The following LHFPL3 variants were observed in gnomAD, a reference collection of about 807,000 sequenced individuals.
LHFPL3 encodes LHFPL tetraspan subfamily member 3.
Under a neutral mutation model 19.3 loss-of-function variants are expected in LHFPL3, and 5 were observed. That is an observed-to-expected ratio of 0.26 (90% CI 0.14 to 0.54). LHFPL3 has a LOEUF of 0.54. Ranked by LOEUF, LHFPL3 falls within the 20% of genes least tolerant of loss-of-function variation. LHFPL3 has a pLI of 0.94. For synonymous variants in LHFPL3, 133 were observed against 126.2 expected (o/e 1.05, Z -0.36); for missense variants, 249 against 307.4 (o/e 0.81, Z 1.42).
chr7:104,848,391 C>T (rs1791352810), intron 2 of LHFPL3, among the ~76,000 whole-genome samples: 1 of 152,136 alleles, frequency 6.6e-6, no homozygotes, highest in Admixed American at 6.5e-5. Flanking sequence ...CATTCTTGGG[C>T]AGCCACACAA....
chr7:104,605,058 G>A (rs954631802), intron 1 of LHFPL3, among the ~76,000 whole-genome samples: 14 of 152,168 alleles, frequency 9.2e-5, no homozygotes, highest in African/African-American at 3.4e-4. Context: ...ACCTAATTCT[G>A]TTATTTTCAG....
At chr7:104,859,315 C>T (rs1356640964) in intron 2 of LHFPL3, among the ~76,000 whole-genome samples, 1 of 151,188 alleles carries the variant, frequency 6.6e-6, no homozygotes, top group Admixed American at 6.6e-5. Context: ...ATTTCTATTA[C>T]CACCCTACCT....
intron 1 of LHFPL3, among the ~76,000 whole-genome samples, chr7:104,394,270 A>G (rs887722533): frequency 5.3e-5 from 8 of 152,214 alleles, no homozygotes; most frequent in Admixed American, 5.2e-4. Context: ...CCTGAGATTC[A>G]TCATTTCTAA....
At chr7:104,405,316 C>T (rs141328870) in intron 1 of LHFPL3, among the ~76,000 whole-genome samples, 1 of 152,260 alleles carries the variant, frequency 6.6e-6, no homozygotes, top group East Asian at 1.9e-4. Flanking sequence ...TTTCTCCTCC[C>T]TGCTTTTTTA....
intron 2 of LHFPL3, among the ~76,000 whole-genome samples, chr7:104,900,248 A>C (rs1353860282): frequency 2.0e-5 from 3 of 152,254 alleles, no homozygotes; most frequent in Non-Finnish European, 4.4e-5. Context: ...AAGGCCTGCC[A>C]AGTAATTGTG....
intron 1 of LHFPL3, among the ~76,000 whole-genome samples, chr7:104,396,402 G>A (rs980669116): frequency 7.2e-5 from 11 of 152,104 alleles, no homozygotes; most frequent in Admixed American, 6.6e-4. Context: ...CCAGAGCAGC[G>A]GCTATGGTAA....
chr7:104,616,852 C>T (rs1252628185), intron 1 of LHFPL3, among the ~76,000 whole-genome samples: 1 of 152,044 alleles, frequency 6.6e-6, no homozygotes, highest in African/African-American at 2.4e-5. Context: ...TATGAACAGA[C>T]ACTTCTCAAA....
intron 2 of LHFPL3, among the ~76,000 whole-genome samples, chr7:104,852,643 G>A (rs771736813): frequency 3.9e-5 from 6 of 152,266 alleles, no homozygotes; most frequent in Admixed American, 1.3e-4. Flanking sequence ...CACATGACCA[G>A]TGCAGTCCCA....
chr7:104,463,359 G>A (rs773309205), intron 1 of LHFPL3, among the ~76,000 whole-genome samples: 27 of 152,160 alleles, frequency 1.8e-4, no homozygotes, highest in Non-Finnish European at 3.4e-4. Context: ...CTAACTCTTT[G>A]ATATGGGTGG....
chr7:104,388,308 T>C (rs540994969), intron 1 of LHFPL3, among the ~76,000 whole-genome samples: 6 of 152,306 alleles, frequency 3.9e-5, no homozygotes, highest in African/African-American at 1.4e-4. Flanking sequence ...TACCCAATAA[T>C]AGGATTGCTG....
At chr7:104,696,718 T>G (rs1042380598) in intron 1 of LHFPL3, among the ~76,000 whole-genome samples, 1 of 152,172 alleles carries the variant, frequency 6.6e-6, no homozygotes, top group Non-Finnish European at 1.5e-5. Context: ...AATTGATGGC[T>G]CTGAGGATTT....
At chr7:104,746,516 T>C (rs957385703) in intron 2 of LHFPL3, among the ~76,000 whole-genome samples, 1 of 152,224 alleles carries the variant, frequency 6.6e-6, no homozygotes, top group African/African-American at 2.4e-5. Flanking sequence ...CAGTTTGTTT[T>C]ATTATAATTA....
intron 1 of LHFPL3, among the ~76,000 whole-genome samples, chr7:104,355,554 T>C (rs974075503): frequency 1.3e-5 from 2 of 152,238 alleles, no homozygotes; most frequent in African/African-American, 4.8e-5. Context: ...CTATTGACGT[T>C]TTTCAAGCAC....
At chr7:104,757,825 C>G (rs555167066) in intron 2 of LHFPL3, 1 of 152,292 alleles carries the variant, frequency 6.6e-6, no homozygotes, top group South Asian at 2.1e-4. Context: ...ATAGAACTAC[C>G]ATATGACCCA....
At chr7:104,539,922 T>G (rs565299604) in intron 1 of LHFPL3, among the ~76,000 whole-genome samples, 1 of 152,250 alleles carries the variant, frequency 6.6e-6, no homozygotes, top group South Asian at 2.1e-4. Context: ...TTTCTTTGTG[T>G]GGGTGTGATA....
At chr7:104,481,565 T>A (rs929234233) in intron 1 of LHFPL3, among the ~76,000 whole-genome samples, 1 of 152,058 alleles carries the variant, frequency 6.6e-6, no homozygotes, top group East Asian at 1.9e-4. Context: ...CTATTGTTCA[T>A]GTCTCCCTGT....
At chr7:104,655,663 G>C (rs887621644) in intron 1 of LHFPL3, among the ~76,000 whole-genome samples, 2 of 152,204 alleles carry the variant, frequency 1.3e-5, no homozygotes, top group Admixed American at 6.5e-5. Context: ...GCTGATACAG[G>C]CTACTTTGGC....
chr7:104,334,307 G>A (rs943641732), intron 1 of LHFPL3, among the ~76,000 whole-genome samples: 3 of 152,128 alleles, frequency 2.0e-5, no homozygotes, highest in Non-Finnish European at 2.9e-5. Context: ...AGCACTTTGC[G>A]AGGCCAAGGC....
chr7:104,711,494 G>A (rs1372471373), intron 1 of LHFPL3, among the ~76,000 whole-genome samples: 2 of 152,214 alleles, frequency 1.3e-5, no homozygotes, highest in African/African-American at 4.8e-5. Context: ...AAGGCAGGGT[G>A]GTGGCCAAGC....
Sources: allele counts gnomAD v4.1 joint callset (sites outside exome capture counted in the v4.1 genomes callset), GRCh38; gene constraint gnomAD v4.1.1; transcripts MANE v1.5; gene names NCBI Gene and HGNC (gene_info 2026-07-23, HGNC 2026-07-21).